AADACL4: variants seen among roughly 807,000 people sequenced by gnomAD.
AADACL4 encodes arylacetamide deacetylase like 4.
In AADACL4, 9 loss-of-function variants were observed where a neutral mutation model predicts 14.1. The ratio of observed to expected loss-of-function variants is 0.64; its 90% CI spans 0.39 to 1.12. The LOEUF is 1.12. AADACL4 is among the 50% of genes most tolerant of loss of function. The probability of loss-of-function intolerance (pLI) is 0.01; values close to 1 mark genes in which losing one functional copy is unlikely to be tolerated. For synonymous variants in AADACL4, 188 were observed against 201.6 expected (o/e 0.93, Z 0.57); for missense variants, 531 against 516.1 (o/e 1.03, Z -0.28).
At position 12,651,124 on chromosome 1, in the gene AADACL4, G is replaced by C. The variant is rs1224546948; in HGVS notation, c.170G>C (p.Gly57Ala). 6.2e-7 allele frequency: 1 copy of C among 1,613,812 alleles called. No individual in the cohort carries two copies. Among genetic ancestry groups the C allele is most frequent in the Non-Finnish European group, 8.5e-7 (1 of 1,179,758 alleles). Reference protein sequence around the residue: ...HCIFLYLVTLGNIFEKLGICS... With the variant: ...HCIFLYLVTLANIFEKLGICS... ...GCTTTCTTTTGTTACCTCCAACAGGGGAATATATTTGAGAAGCTGGGAATT... is the reference window on the plus strand; with the variant it reads ...GCTTTCTTTTGTTACCTCCAACAGGCGAATATATTTGAGAAGCTGGGAATT... Residue 57 changes from glycine to alanine, a missense_variant and splice_region_variant, in exon 2 of 4, where the codon GGG becomes GCG. Transcript: ENST00000376221.
chr1:12,648,257 A>G (rs1647123730), intron 1 of AADACL4, among the ~76,000 whole-genome samples: 1 of 152,208 alleles, frequency 6.6e-6, no homozygotes, highest in Non-Finnish European at 1.5e-5. Context: ...GGCATGAGCC[A>G]CCGCAGCCGG....
intron 2 of AADACL4, among the ~76,000 whole-genome samples, chr1:12,659,667 G>A (rs1198902472): frequency 6.6e-6 from 1 of 152,204 alleles, no homozygotes; most frequent in African/African-American, 2.4e-5. Flanking sequence ...TTTAAGGACA[G>A]GATCTTGCTC....
intron 2 of AADACL4, 42 bp from the exon 3 acceptor site, chr1:12,661,749 T>G (rs1647231663): frequency 1.3e-6 from 2 of 1,592,250 alleles, no homozygotes; most frequent in African/African-American, 2.7e-5. Flanking sequence ...ATGGTTTGGG[T>G]CCTACTCATG....
Position 12,666,328 on chromosome 1 carries a change from G to A in AADACL4, c.817G>A (p.Val273Ile). The change falls in exon 4 of 4, where the codon GTA becomes ATA. Residue 273 changes from valine to isoleucine, a missense_variant. Transcript: ENST00000376221. ...TGACGCCATCTTGAACGGCACTTGT[G>A]TACCCCCAGACGTCTGGAGGAAGTA... ...WRDAILNGTC[V>I]PPDVWRKYEK... The A allele has an allele frequency of 6.2e-7, 1 of 1,614,196 alleles. No homozygotes were observed. The highest frequency in any genetic ancestry group is 8.5e-7 in the Non-Finnish European group (1 of 1,180,046).
At chr1:12,659,913 G>T (rs1647213568) in intron 2 of AADACL4, among the ~76,000 whole-genome samples, 1 of 152,206 alleles carries the variant, frequency 6.6e-6, no homozygotes, top group Admixed American at 6.5e-5. Flanking sequence ...CAACCTCCTG[G>T]GCTCAGGTGA....
At chr1:12,650,322 C>T (rs1183532400) in intron 1 of AADACL4, among the ~76,000 whole-genome samples, 3 of 152,162 alleles carry the variant, frequency 2.0e-5, no homozygotes, top group African/African-American at 4.8e-5. Context: ...ACACATTACT[C>T]CCTTGACCTG....
At chr1:12,663,704 T>C (rs767359797) in intron 3 of AADACL4, among the ~76,000 whole-genome samples, 14 of 152,182 alleles carry the variant, frequency 9.2e-5, no homozygotes, top group Non-Finnish European at 2.1e-4. Context: ...CCCTTCATCA[T>C]GTTGGAGTCA....
rs966829569 is a variant in AADACL4, at chr1:12,644,416, T to C, written c.-131T>C. The stretch of plus-strand genomic sequence containing the variant: ...ACCCTGAGAAGCTGTGTCAGGCCAC[T>C]GTGTCAGGTGTCAGGCTTAGCCCAG... On this transcript the variant is annotated 5_prime_UTR_variant, in exon 1 of 4. Transcript: ENST00000376221. The C allele has an allele frequency of 2.9e-6, 3 of 1,023,756 alleles. No homozygotes were observed. The highest frequency in any genetic ancestry group is 4.2e-6 in the Non-Finnish European group (3 of 708,688). The allele number at this position is 1,023,756 out of a possible 1,614,324, so 63.4% of individuals were successfully genotyped here.
chr1:12,665,921 G>A, intron 3 of AADACL4, 40 bp from the exon 4 acceptor site: 1 of 1,556,212 alleles, frequency 6.4e-7, no homozygotes, highest in South Asian at 1.2e-5. Flanking sequence ...TAGCAACACT[G>A]TCCACACTGG....
intron 1 of AADACL4, among the ~76,000 whole-genome samples, chr1:12,649,020 C>A (rs1208198425): frequency 6.6e-6 from 1 of 152,188 alleles, no homozygotes; most frequent in African/African-American, 2.4e-5. Flanking sequence ...GACCTTTGCT[C>A]ATGAGAAGCA....
At chr1:12,664,521 C>G (rs1451706796) in intron 3 of AADACL4, among the ~76,000 whole-genome samples, 1 of 152,064 alleles carries the variant, frequency 6.6e-6, no homozygotes, top group Non-Finnish European at 1.5e-5. Flanking sequence ...CTCCCACCAC[C>G]ACACCCCGCT....
rs1306398763 is a variant in AADACL4, at chr1:12,667,005, A to G, written c.*270A>G. 2.1e-6 allele frequency: 1 copy of G among 465,686 alleles called. No homozygotes were observed. Among genetic ancestry groups the G allele is most frequent in the Admixed American group, 3.8e-5 (1 of 26,474 alleles). 28.8% of individuals were successfully genotyped at this position (465,686 alleles called of 1,614,324 possible). On this transcript the variant is annotated 3_prime_UTR_variant, in exon 4 of 4. Coordinates refer to ENST00000376221, the MANE Select transcript of AADACL4 (RefSeq NM_001013630.2). ...AGGTGAAATAAATATCAAAAGGAGA[A>G]AAAAATGCCTTTAAAAATTTCTCAA...
At chr1:12,648,436 G>A (rs1196857667) in intron 1 of AADACL4, among the ~76,000 whole-genome samples, 2 of 144,344 alleles carry the variant, frequency 1.4e-5, no homozygotes, top group African/African-American at 2.7e-5. Flanking sequence ...TCACTCTGTC[G>A]CCCAGGCTGA....
chr1:12,650,678 G>A (rs143721930), intron 1 of AADACL4, among the ~76,000 whole-genome samples: 2,655 of 152,070 alleles, frequency 0.017, 79 homozygotes, highest in African/African-American at 0.057. Flanking sequence ...GACTACAGGC[G>A]CTCGCCACCA....
In AADACL4 at chr1:12,661,823, C is replaced by T. The variant is rs185024112; in HGVS notation, c.418C>T (p.Arg140Trp). The change falls in exon 3 of 4, where the codon CGG becomes TGG. Residue 140 changes from arginine to tryptophan, a missense_variant. Coordinates refer to ENST00000376221, the MANE Select transcript of AADACL4 (RefSeq NM_001013630.2). ...CYHGLCNYLA[R>W]ETESVLLMIG... ...CCATGGCCTGTGCAATTATCTGGCC[C>T]GGGAGACTGAATCTGTACTTCTGAT... 2.0e-5 allele frequency: 33 copies of T among 1,614,010 alleles called. No individual in the cohort carries two copies. Among genetic ancestry groups the T allele is most frequent in the Admixed American group, 1.0e-4 (6 of 60,006 alleles).
chr1:12,645,269 C>CCCTT (rs560623316), intron 1 of AADACL4, among the ~76,000 whole-genome samples: 1 of 126,246 alleles, frequency 7.9e-6, no homozygotes, highest in Non-Finnish European at 1.6e-5. Flanking sequence ...CTCCCTCCCT[C>CCCTT]CCTTCCTTCC....
At chr1:12,655,867 G>C (rs1360647887) in intron 2 of AADACL4, among the ~76,000 whole-genome samples, 2 of 152,016 alleles carry the variant, frequency 1.3e-5, no homozygotes, top group Non-Finnish European at 2.9e-5. Flanking sequence ...GCTAATAAAG[G>C]GTTCTGATAA....
intron 2 of AADACL4, 98 bp downstream of exon 2, chr1:12,651,437 G>T (rs1557548666): frequency 5.5e-6 from 7 of 1,279,664 alleles, no homozygotes; most frequent in Non-Finnish European, 3.3e-6. Context: ...GTAGCTTAAA[G>T]GAATCAGTTG....
At chr1:12,656,966 C>T (rs2100764138) in intron 2 of AADACL4, among the ~76,000 whole-genome samples, 1 of 151,916 alleles carries the variant, frequency 6.6e-6, no homozygotes, top group East Asian at 1.9e-4. Flanking sequence ...CATGGTGAAA[C>T]ACCCCTTCTC....
Sources: allele counts gnomAD v4.1 joint callset (sites outside exome capture counted in the v4.1 genomes callset), GRCh38; gene constraint gnomAD v4.1.1; transcripts MANE v1.5; gene names NCBI Gene and HGNC (gene_info 2026-07-23, HGNC 2026-07-21).